LITAF: variants seen among roughly 807,000 people sequenced by gnomAD.
The protein encoded by LITAF is lipopolysaccharide induced TNF factor, also known as lipopolysaccharide-induced tumor necrosis factor-alpha factor.
LITAF carries 9 observed loss-of-function variants against 14.5 expected under a neutral mutation model. The ratio of observed to expected loss-of-function variants is 0.62; its 90% CI spans 0.37 to 1.08. LITAF has a LOEUF of 1.08. Among genes scored for constraint, LITAF ranks in the 50% least tolerant of loss-of-function variants. LITAF has a pLI of 0.01. For missense variants in LITAF, 206 were observed against 213.4 expected, an observed-to-expected ratio of 0.97 and a Z score of 0.22; for synonymous variants, 98 against 88.2, an observed-to-expected ratio of 1.11 and a Z score of -0.62.
chr16:11,608,412 C>G (rs1039567259), intron 3 of LITAF, among the ~76,000 whole-genome samples: 4 of 152,118 alleles, frequency 2.6e-5, no homozygotes, highest in African/African-American at 9.7e-5. Context: ...AGCAAAAGCC[C>G]GTAGGCAGGA....
chr16:11,638,560 G>A (rs1026927679), upstream of LITAF, among the ~76,000 whole-genome samples: 1 of 151,648 alleles, frequency 6.6e-6, no homozygotes, highest in Non-Finnish European at 1.5e-5. Flanking sequence ...AATTAGCCGG[G>A]CGTGGTGGTG....
At chr16:11,568,112 A>AC (rs2064483292) in intron 1 of LITAF, among the ~76,000 whole-genome samples, 1 of 151,918 alleles carries the variant, frequency 6.6e-6, no homozygotes, top group African/African-American at 2.4e-5. Context: ...ACACAATGAG[A>AC]CCCCATCTCT....
intron 3 of LITAF, among the ~76,000 whole-genome samples, chr16:11,630,494 C>A (rs2065111428): frequency 6.6e-6 from 1 of 152,110 alleles, no homozygotes; most frequent in South Asian, 2.1e-4. Context: ...CTGCTCCAGG[C>A]ACACAGGAGT....
chr16:11,580,597 T>C (rs1008086516), intron 1 of LITAF, among the ~76,000 whole-genome samples: 3 of 152,050 alleles, frequency 2.0e-5, no homozygotes, highest in African/African-American at 7.2e-5. Flanking sequence ...GGTCGACACC[T>C]GGTCACAAGC....
At chr16:11,577,748 C>G (rs935903169) in intron 1 of LITAF, among the ~76,000 whole-genome samples, 5 of 152,086 alleles carry the variant, frequency 3.3e-5, no homozygotes, top group Non-Finnish European at 7.4e-5. Context: ...CAGGGTCTCA[C>G]TCTGTCACCC....
At chr16:11,555,958 A>C (rs977987621) in intron 2 of LITAF, among the ~76,000 whole-genome samples, 1 of 152,168 alleles carries the variant, frequency 6.6e-6, no homozygotes, top group African/African-American at 2.4e-5. Context: ...CTCTGAGCTA[A>C]AGATTTCTTT....
intron 1 of LITAF, among the ~76,000 whole-genome samples, chr16:11,565,559 G>C (rs1026092637): frequency 1.3e-5 from 2 of 151,992 alleles, no homozygotes; most frequent in African/African-American, 4.8e-5. Context: ...TCTTGGTTCA[G>C]TCCATCCCGG....
chr16:11,591,099 TA>T (rs1252204851), upstream of LITAF, among the ~76,000 whole-genome samples: 1 of 118,924 alleles, frequency 8.4e-6, no homozygotes, highest in African/African-American at 4.0e-5. Flanking sequence ...AAGCTGATCC[TA>T]AAATTAATAT....
At chr16:11,554,567 T>G (rs557821443) in intron 2 of LITAF, among the ~76,000 whole-genome samples, 1 of 152,108 alleles carries the variant, frequency 6.6e-6, no homozygotes, top group South Asian at 2.1e-4. Flanking sequence ...CCGAGGTGCG[T>G]GGATCACCAG....
chr16:11,559,730 T>C (rs1017843432), intron 1 of LITAF, among the ~76,000 whole-genome samples: 1 of 150,856 alleles, frequency 6.6e-6, no homozygotes, highest in African/African-American at 2.4e-5. Context: ...CATGGTGGCT[T>C]ACACCTGTCA....
intron 1 of LITAF, among the ~76,000 whole-genome samples, chr16:11,576,091 G>A (rs1156235550): frequency 6.6e-6 from 1 of 152,138 alleles, no homozygotes; most frequent in East Asian, 1.9e-4. Flanking sequence ...GTCTCACTAT[G>A]TTGCCCAGGC....
rs774258859 is a variant in LITAF, at chr16:11,549,674, T to C, written c.449A>G (p.Asn150Ser). ...GTAGGTGCCCAGGAGAGCTCTGCAGTTGGGACAGTAATGGTCCACGTCCTG... is the reference window on the plus strand; with the variant it reads ...GTAGGTGCCCAGGAGAGCTCTGCAGCTGGGACAGTAATGGTCCACGTCCTG... ...ALQDVDHYCP[N>S]CRALLGTYKR... The change falls in exon 4 of 4, where the codon AAC becomes AGC. Residue 150 changes from asparagine (N) to serine (S), a missense_variant. Physicochemically the swap from Asn to Ser is conservative, Grantham distance 46. Transcript: ENST00000622633. This position sits in a 1 kb window ranked among gnomAD's most constrained non-coding sequence, Gnocchi z 4.6. 30 of 1,613,520 alleles carry C rather than the reference T, an allele frequency of 1.9e-5. No homozygotes were observed. The highest frequency in any genetic ancestry group is 2.7e-5 in the African/African-American group (2 of 74,860).
chr16:11,566,701 G>A (rs2064456183), intron 1 of LITAF, among the ~76,000 whole-genome samples: 1 of 152,064 alleles, frequency 6.6e-6, no homozygotes, highest in African/African-American at 2.4e-5. Flanking sequence ...GAGCCCAGGA[G>A]GTTGAGGCTG....
Position 11,586,412 on chromosome 16 carries a change from A to G in LITAF, c.-6+474T>C, listed in dbSNP as rs12917676. 0.14 allele frequency: 20,775 copies of G among 152,222 alleles called. 1,708 individuals are homozygous for G. The highest frequency in any genetic ancestry group is 0.22 in the South Asian group (1,070 of 4,828). 9.4% of individuals were successfully genotyped at this position (152,222 alleles called of 1,614,324 possible). ...CCCCTAGAAGTCAAATGTTTGGCAA[A>G]TAGCATTTGGGAATTCGTTGGGGTT... On this transcript the variant is annotated intron_variant, in intron 1 of 3. Coordinates refer to ENST00000622633, the MANE Select transcript of LITAF (RefSeq NM_001136472.2). This position sits in a 1 kb window ranked among gnomAD's most constrained non-coding sequence, Gnocchi z 6.5.
Position 11,583,833 on chromosome 16 carries a change from G to A in LITAF, c.-6+3053C>T, listed in dbSNP as rs531286381. Among the ~76,000 whole-genome samples, 9 of 152,276 alleles carry A rather than the reference G, an allele frequency of 5.9e-5. No individual in the cohort carries two copies. The South Asian group carries it at 1.7e-3, about 28-fold the overall frequency. ...TGGTATATAAACTCCTACCTACTGC[G>A]AGGTGAGCAGAGAATTACCATCACA... On this transcript the variant is annotated intron_variant, in intron 1 of 3. Transcript: ENST00000622633.
chr16:11,588,320 C>T (rs538950070), upstream of LITAF, among the ~76,000 whole-genome samples: 1 of 152,102 alleles, frequency 6.6e-6, no homozygotes, highest in South Asian at 2.1e-4. Context: ...CATAGTGAGA[C>T]TCCATCTCTA....
At chr16:11,619,248 T>C (rs2065035562) in intron 3 of LITAF, among the ~76,000 whole-genome samples, 1 of 151,270 alleles carries the variant, frequency 6.6e-6, no homozygotes, top group Non-Finnish European at 1.5e-5. Flanking sequence ...GAGGAAGAGG[T>C]TGCAGTGAGC....
intron 1 of LITAF, among the ~76,000 whole-genome samples, chr16:11,581,982 G>A (rs73511519): frequency 6.6e-6 from 1 of 152,150 alleles, no homozygotes; most frequent in African/African-American, 2.4e-5. Context: ...TAGGTACAAA[G>A]TTACAGTTCA....
At chr16:11,617,724 C>A (rs948870415) in intron 3 of LITAF, among the ~76,000 whole-genome samples, 1 of 151,986 alleles carries the variant, frequency 6.6e-6, no homozygotes, top group African/African-American at 2.4e-5. Context: ...CGTGCCTGGC[C>A]TATATGGTTT....
Sources: gnomAD v4.1 joint callset for allele counts (sites outside exome capture counted in the v4.1 genomes callset) on GRCh38, gnomAD v4.1.1 for gene constraint, Gnocchi (gnomAD v3.1) non-coding constraint, MANE v1.5 for transcripts, NCBI Gene and HGNC (gene_info 2026-07-23, HGNC 2026-07-21) for gene names.